The following PRMT8 variants were observed in gnomAD, a reference collection of about 807,000 sequenced individuals.
PRMT8 encodes protein arginine methyltransferase 8.
Under a neutral mutation model 47.1 loss-of-function variants are expected in PRMT8, and 7 were observed. The ratio of observed to expected loss-of-function variants is 0.15; its 90% CI spans 0.08 to 0.28. The LOEUF is 0.28. PRMT8 is among the 10% of genes least tolerant of loss of function. The probability of loss-of-function intolerance (pLI) is 1.00; values close to 1 mark genes in which losing one functional copy is unlikely to be tolerated. For synonymous variants in PRMT8, 188 were observed against 186.5 expected (o/e 1.01, Z -0.07); for missense variants, 237 against 505.4 (o/e 0.47, Z 5.09).
At chr12:3,533,342 C>T (rs1866064241) in intron 1 of PRMT8, among the ~76,000 whole-genome samples, 1 of 152,228 alleles carries the variant, frequency 6.6e-6, no homozygotes, top group South Asian at 2.1e-4. Flanking sequence ...ACTGGCAACA[C>T]CTAGATCAAG....
intron 1 of PRMT8, among the ~76,000 whole-genome samples, chr12:3,450,598 A>G (rs978935942): frequency 6.6e-6 from 1 of 152,256 alleles, no homozygotes; most frequent in Non-Finnish European, 1.5e-5. Flanking sequence ...ACCAAAGTCT[A>G]TATAACCATA....
At chr12:3,486,432 C>G (rs1178928364), upstream of PRMT8, among the ~76,000 whole-genome samples, 1 of 152,166 alleles carries the variant, frequency 6.6e-6, no homozygotes, top group African/African-American at 2.4e-5. Context: ...AGTCTCTTCA[C>G]CTTTTAGTCC....
chr12:3,494,819 A>G (rs1267546696), intron 1 of PRMT8, among the ~76,000 whole-genome samples: 1 of 152,120 alleles, frequency 6.6e-6, no homozygotes, highest in Admixed American at 6.5e-5. Flanking sequence ...GCACTCTTCA[A>G]CCGCTCTGAC....
chr12:3,507,368 G>T (rs1221709681), intron 1 of PRMT8, among the ~76,000 whole-genome samples: 1 of 152,068 alleles, frequency 6.6e-6, no homozygotes, highest in Non-Finnish European at 1.5e-5. Context: ...TGATCCGCCC[G>T]CCTCGGCCTC....
At position 3,457,854 on chromosome 12, in the gene PRMT8, TTTTTTTTTTTTTA is replaced by T. The variant is rs1187608039; in HGVS notation, c.48+76413_48+76425del. On this transcript the variant is annotated intron_variant, in intron 1 of 9. Transcript: ENST00000452611. ...TCTTTCCAGTTTGCTTTTTTTTTTT[TTTTTTTTTTTTTA>T]AGACAGCGTTCTGTTGCCAGGCTGG... Among the ~76,000 whole-genome samples the T allele has an allele frequency of 8.7e-3, 545 of 62,290 alleles. 6 individuals are homozygous for T. The highest frequency in any genetic ancestry group is 0.022 in the African/African-American group (491 of 22,688). 40.9% of individuals were successfully genotyped at this position (62,290 alleles called of 152,430 possible).
At chr12:3,478,300 CTAT>C (rs764976181) in intron 1 of PRMT8, among the ~76,000 whole-genome samples, 3 of 149,534 alleles carry the variant, frequency 2.0e-5, no homozygotes, top group African/African-American at 7.4e-5. Flanking sequence ...ATCTATCTAT[CTAT>C]CTATCTACCT....
chr12:3,493,340 C>A lies in PRMT8; in HGVS notation c.75+1640C>A, dbSNP rs1460358984. 2.0e-5 allele frequency among the ~76,000 whole-genome samples: 3 copies of A among 152,186 alleles called. No homozygotes were observed. Among genetic ancestry groups the A allele is most frequent in the African/African-American group, 7.2e-5 (3 of 41,446 alleles). On this transcript the variant is annotated intron_variant, in intron 1 of 9. Transcript: ENST00000382622. This position sits in a 1 kb window ranked among gnomAD's most constrained non-coding sequence, Gnocchi z 8.2. ...CCTCCGCCCTCTGATCGCCCACCCGCCGAAAGGGTTTCTAAAAATAGCCCA... is the reference window on the plus strand; with the variant it reads ...CCTCCGCCCTCTGATCGCCCACCCGACGAAAGGGTTTCTAAAAATAGCCCA...
chr12:3,452,602 C>T (rs1000064796), intron 1 of PRMT8, among the ~76,000 whole-genome samples: 3 of 152,210 alleles, frequency 2.0e-5, no homozygotes, highest in African/African-American at 7.2e-5. Context: ...TGGTAACTAA[C>T]AGCCTCACAT....
At chr12:3,387,248 A>G (rs1864149918) in intron 1 of PRMT8, among the ~76,000 whole-genome samples, 1 of 152,238 alleles carries the variant, frequency 6.6e-6, no homozygotes, top group Non-Finnish European at 1.5e-5. Context: ...ACACAGCAAC[A>G]ATAATTTCAT....
chr12:3,415,635 A>G (rs761624456), intron 1 of PRMT8, among the ~76,000 whole-genome samples: 1 of 152,226 alleles, frequency 6.6e-6, no homozygotes, highest in Non-Finnish European at 1.5e-5. Context: ...TATACCAGAA[A>G]CTGAAAAATT....
chr12:3,403,133 C>T (rs1480244569), intron 1 of PRMT8, among the ~76,000 whole-genome samples: 2 of 151,972 alleles, frequency 1.3e-5, no homozygotes, highest in Non-Finnish European at 2.9e-5. Flanking sequence ...TACTATGCAG[C>T]CTAAAAAAAA....
chr12:3,456,444 G>T lies in PRMT8; in HGVS notation c.48+75002G>T, dbSNP rs1198598746. ...TCGACAGAATTTCAAGGAACTCCCA[G>T]AAACTCTGAAGCCACAAGCAAAACT... On this transcript the variant is annotated intron_variant, in intron 1 of 9. Transcript: ENST00000452611. The surrounding 1 kb of genome is among the most constrained non-coding windows in gnomAD (Gnocchi z 4.2). Among the ~76,000 whole-genome samples, 1 of 152,186 alleles carries T rather than the reference G, an allele frequency of 6.6e-6. No individual in the cohort carries two copies. The highest frequency in any genetic ancestry group is 2.4e-5 in the African/African-American group (1 of 41,430).
chr12:3,488,786 G>C (rs1865345520), upstream of PRMT8, among the ~76,000 whole-genome samples: 1 of 152,210 alleles, frequency 6.6e-6, no homozygotes, highest in African/African-American at 2.4e-5. Context: ...TGAGAAAATA[G>C]TTCTACAAAG....
intron 1 of PRMT8, among the ~76,000 whole-genome samples, chr12:3,495,748 C>T (rs1865494969): frequency 6.6e-6 from 1 of 152,106 alleles, no homozygotes; most frequent in Non-Finnish European, 1.5e-5. Context: ...TGATTGTGAA[C>T]AAACTCTTGA....
chr12:3,395,170 A>C (rs1864236486), intron 1 of PRMT8, among the ~76,000 whole-genome samples: 1 of 149,916 alleles, frequency 6.7e-6, no homozygotes, highest in South Asian at 2.1e-4. Context: ...CAGCTCCTGG[A>C]TTCATTAATT....
At chr12:3,506,583 C>T (rs1448816428) in intron 1 of PRMT8, among the ~76,000 whole-genome samples, 7 of 152,298 alleles carry the variant, frequency 4.6e-5, no homozygotes, top group Admixed American at 6.5e-5. Context: ...GGCTGCCTAC[C>T]GCACTCCAGG....
intron 1 of PRMT8, among the ~76,000 whole-genome samples, chr12:3,521,813 T>C (rs1865884805): frequency 6.6e-6 from 1 of 152,188 alleles, no homozygotes; most frequent in South Asian, 2.1e-4. Context: ...TTCAGCTGGA[T>C]GGAGGCCTTC....
intron 1 of PRMT8, among the ~76,000 whole-genome samples, chr12:3,429,087 T>C (rs1439367354): frequency 6.6e-6 from 1 of 152,186 alleles, no homozygotes; most frequent in Non-Finnish European, 1.5e-5. Flanking sequence ...TCTCTGCTGG[T>C]CTTTCCTTGC....
chr12:3,401,852 C>T (rs1168777088), intron 1 of PRMT8, among the ~76,000 whole-genome samples: 1 of 152,182 alleles, frequency 6.6e-6, no homozygotes, highest in Non-Finnish European at 1.5e-5. Flanking sequence ...AATGGAAAAA[C>T]ATTCCATGCT....
Sources: gnomAD v4.1 joint callset for allele counts (sites outside exome capture counted in the v4.1 genomes callset) on GRCh38, gnomAD v4.1.1 for gene constraint, Gnocchi (gnomAD v3.1) non-coding constraint, MANE v1.5 for transcripts, NCBI Gene and HGNC (gene_info 2026-07-23, HGNC 2026-07-21) for gene names.